The following SULF1 variants were observed in gnomAD, a reference collection of about 807,000 sequenced individuals.
The protein encoded by SULF1 is extracellular sulfatase Sulf-1.
Under a neutral mutation model 110.5 loss-of-function variants are expected in SULF1, and 46 were observed. The observed-to-expected ratio is 0.42, with a 90% confidence interval of 0.33 to 0.53. SULF1 has a LOEUF of 0.53. Ranked by LOEUF, SULF1 falls within the 20% of genes least tolerant of loss-of-function variation. The pLI is 0.12. For synonymous variants in SULF1, 371 were observed against 387.1 expected (o/e 0.96, Z 0.49); for missense variants, 941 against 1,094.2 (o/e 0.86, Z 1.98).
intron 13 of SULF1, among the ~76,000 whole-genome samples, chr8:69,614,110 A>G (rs1035332980): frequency 4.6e-5 from 7 of 151,506 alleles, no homozygotes; most frequent in Non-Finnish European, 1.0e-4. Flanking sequence ...AATAATAATA[A>G]TAGCAGCTGC....
At chr8:69,546,267 T>A (rs1814253298) in intron 3 of SULF1, among the ~76,000 whole-genome samples, 1 of 152,218 alleles carries the variant, frequency 6.6e-6, no homozygotes. Flanking sequence ...AGAAATGAGA[T>A]GAGTTCACAG....
At chr8:69,573,153 G>T (rs567597669) in intron 5 of SULF1, among the ~76,000 whole-genome samples, 7 of 152,318 alleles carry the variant, frequency 4.6e-5, no homozygotes, top group Admixed American at 4.6e-4. Context: ...AAGGACCCCA[G>T]TGGTGGAGCT....
Position 69,659,173 on chromosome 8 carries a change from G to A in SULF1, c.*638G>A, listed in dbSNP as rs947394185. The A allele has an allele frequency of 2.2e-5, 10 of 456,648 alleles. No homozygotes were observed. The highest frequency in any genetic ancestry group is 1.5e-4 in the South Asian group (10 of 64,564). The allele number at this position is 456,648 out of a possible 1,614,324, so 28.3% of individuals were successfully genotyped here. On this transcript the variant is annotated 3_prime_UTR_variant, in exon 23 of 23. Coordinates refer to ENST00000402687, the MANE Select transcript of SULF1 (RefSeq NM_001128205.2). ...TCCTGTGCATTCCGATGGAATTTCA[G>A]TTCATCAGATGTTCACCATGGCCAC...
At chr8:69,636,137 CATT>C (rs1410246085) in intron 19 of SULF1, among the ~76,000 whole-genome samples, 1 of 152,260 alleles carries the variant, frequency 6.6e-6, no homozygotes, top group East Asian at 1.9e-4. Context: ...AATTTTAAAT[CATT>C]ATAACTGGGC....
chr8:69,549,858 T>C (rs1814568129), intron 3 of SULF1, among the ~76,000 whole-genome samples: 1 of 152,118 alleles, frequency 6.6e-6, no homozygotes, highest in Non-Finnish European at 1.5e-5. Context: ...CTGTGACTCG[T>C]GGTCTTGAAT....
At chr8:69,470,057 C>T (rs867431214) in intron 1 of SULF1, among the ~76,000 whole-genome samples, 1 of 151,352 alleles carries the variant, frequency 6.6e-6, no homozygotes, top group African/African-American at 2.4e-5. Context: ...ACAAAAAAAA[C>T]CATAAAGCAA....
intron 1 of SULF1, among the ~76,000 whole-genome samples, chr8:69,486,380 C>G (rs1809712000): frequency 6.6e-6 from 1 of 151,958 alleles, no homozygotes; most frequent in African/African-American, 2.4e-5. Flanking sequence ...CAGTTTGTCT[C>G]CAAAAATTCA....
intron 22 of SULF1, among the ~76,000 whole-genome samples, chr8:69,656,808 A>T (rs1812769563): frequency 6.6e-6 from 1 of 152,212 alleles, no homozygotes; most frequent in South Asian, 2.1e-4. Flanking sequence ...TTTATAATAG[A>T]ATGATTTATA....
intron 22 of SULF1, among the ~76,000 whole-genome samples, chr8:69,658,220 G>T (rs578067065): frequency 6.6e-6 from 1 of 152,244 alleles, no homozygotes; most frequent in Admixed American, 6.5e-5. Flanking sequence ...GTGGGGCCAG[G>T]AGTGAAACCC....
At position 69,624,150 on chromosome 8, in the gene SULF1, T is replaced by C. The variant is rs1483191622; in HGVS notation, c.1803T>C (p.Asp601=). Residue 601 remains aspartate, a synonymous_variant, in exon 15 of 23, where the codon GAT becomes GAC. Coordinates refer to ENST00000402687, the MANE Select transcript of SULF1 (RefSeq NM_001128205.2). ...SGGNRGRMLA[D]SSNAVGPPTT... ...GCAACAGGGGCAGGATGCTGGCAGA[T>C]AGCAGCAACGCCGTGGGCCCACCTA... 15 of 1,611,130 alleles carry C rather than the reference T, an allele frequency of 9.3e-6. No homozygotes were observed. The highest frequency in any genetic ancestry group is 1.1e-5 in the Non-Finnish European group (13 of 1,178,068).
At chr8:69,633,058 A>G (rs1810708116) in intron 19 of SULF1, among the ~76,000 whole-genome samples, 1 of 152,006 alleles carries the variant, frequency 6.6e-6, no homozygotes, top group Non-Finnish European at 1.5e-5. Context: ...AAGAAAATAC[A>G]CAAAATAGAA....
chr8:69,609,054 G>T (rs1173244264), intron 13 of SULF1, among the ~76,000 whole-genome samples: 1 of 152,052 alleles, frequency 6.6e-6, no homozygotes, highest in Non-Finnish European at 1.5e-5. Flanking sequence ...AACTCACCTG[G>T]GGCCGAGCAC....
At chr8:69,516,730 AG>A (rs1769821327) in intron 3 of SULF1, among the ~76,000 whole-genome samples, 1 of 152,226 alleles carries the variant, frequency 6.6e-6, no homozygotes, top group East Asian at 1.9e-4. Context: ...TTCTAAATAG[AG>A]GCAAATCCTT....
intron 3 of SULF1, among the ~76,000 whole-genome samples, chr8:69,512,236 G>A (rs965793881): frequency 1.3e-5 from 2 of 152,100 alleles, no homozygotes; most frequent in African/African-American, 2.4e-5. Flanking sequence ...CAGTGCCAAG[G>A]GCTGGCAAGT....
chr8:69,648,800 T>C (rs184688390), intron 22 of SULF1, among the ~76,000 whole-genome samples: 8 of 152,376 alleles, frequency 5.3e-5, no homozygotes, highest in African/African-American at 1.9e-4. Context: ...ATTCCATGCA[T>C]GCATGATCTC....
chr8:69,593,790 G>A (rs944190726), intron 8 of SULF1, among the ~76,000 whole-genome samples: 11 of 152,074 alleles, frequency 7.2e-5, no homozygotes, highest in Admixed American at 1.3e-4. Flanking sequence ...AAAGCCCTGC[G>A]CTCTGGCTAA....
intron 3 of SULF1, among the ~76,000 whole-genome samples, chr8:69,519,064 C>T (rs1354260817): frequency 1.3e-5 from 2 of 152,172 alleles, no homozygotes; most frequent in Non-Finnish European, 2.9e-5. Context: ...GGATCACAGC[C>T]TGTTCAATGT....
chr8:69,545,085 C>T (rs867492539), intron 3 of SULF1, among the ~76,000 whole-genome samples: 68 of 134,886 alleles, frequency 5.0e-4, no homozygotes, highest in Middle Eastern at 3.9e-3. Flanking sequence ...TAAAGGAATT[C>T]TTTTTTTTTT....
intron 19 of SULF1, among the ~76,000 whole-genome samples, chr8:69,630,274 G>A (rs1053142121): frequency 6.6e-6 from 1 of 152,086 alleles, no homozygotes; most frequent in South Asian, 2.1e-4. Flanking sequence ...TTCTTTAGTG[G>A]CCTGTGCACA....
Sources: gnomAD v4.1 joint callset for allele counts (sites outside exome capture counted in the v4.1 genomes callset) on GRCh38, gnomAD v4.1.1 for gene constraint, MANE v1.5 for transcripts, NCBI Gene and HGNC (gene_info 2026-07-23, HGNC 2026-07-21) for gene names.